FSHR: variants seen among roughly 807,000 people sequenced by gnomAD.
FSHR encodes the protein follicle stimulating hormone receptor.
A neutral mutation model predicts 52.1 loss-of-function variants in FSHR; 46 were observed. The ratio of observed to expected loss-of-function variants is 0.88; its 90% CI spans 0.70 to 1.13. FSHR has a LOEUF of 1.13. Ranked by LOEUF, FSHR falls within the 50% of genes most tolerant of loss-of-function variation. The pLI is 0.00. For synonymous variants in FSHR, 399 were observed against 309.6 expected (o/e 1.29, Z -3.03); for missense variants, 964 against 834.6 (o/e 1.16, Z -1.91).
At chr2:49,102,960 C>T (rs930949846) in intron 1 of FSHR, among the ~76,000 whole-genome samples, 2 of 151,974 alleles carry the variant, frequency 1.3e-5, no homozygotes, top group African/African-American at 4.8e-5. Context: ...ATTTTTTTCT[C>T]CCATTATTGC....
At chr2:49,073,549 A>T (rs549359295) in intron 1 of FSHR, among the ~76,000 whole-genome samples, 1 of 152,048 alleles carries the variant, frequency 6.6e-6, no homozygotes, top group Non-Finnish European at 1.5e-5. Flanking sequence ...GAAATTAAAG[A>T]AGATACAAAT....
At chr2:49,032,906 A>G (rs560490357) in intron 2 of FSHR, among the ~76,000 whole-genome samples, 27 of 152,236 alleles carry the variant, frequency 1.8e-4, no homozygotes, top group Non-Finnish European at 3.1e-4. Flanking sequence ...TATTTGGAGA[A>G]AAAGAATACC....
intron 1 of FSHR, among the ~76,000 whole-genome samples, chr2:49,139,450 C>G (rs767662091): frequency 1.3e-5 from 2 of 151,960 alleles, no homozygotes; most frequent in East Asian, 3.9e-4. Flanking sequence ...GGGTATAGCA[C>G]GCAGCATTTT....
intron 1 of FSHR, among the ~76,000 whole-genome samples, chr2:49,143,030 G>T (rs1239656963): frequency 1.3e-5 from 2 of 152,128 alleles, no homozygotes; most frequent in African/African-American, 2.4e-5. Flanking sequence ...TATGTCTTGG[G>T]CTCCATAAGG....
intron 1 of FSHR, among the ~76,000 whole-genome samples, chr2:49,149,072 A>T (rs1271802536): frequency 2.0e-5 from 3 of 152,008 alleles, no homozygotes; most frequent in African/African-American, 7.2e-5. Context: ...TTTTTAAAAA[A>T]AATATTATTA....
chr2:49,149,308 C>A (rs959396339), intron 1 of FSHR, among the ~76,000 whole-genome samples: 1 of 152,088 alleles, frequency 6.6e-6, no homozygotes, highest in East Asian at 1.9e-4. Context: ...ACTTCAGAAC[C>A]ATCTCCTTCA....
At position 48,962,988 on chromosome 2, in the gene FSHR, C is replaced by A. The variant is rs777491270; in HGVS notation, c.1833G>T (p.Leu611=). ...LITVSKAKIL[L]VLFHPINSCA... is the part of the protein sequence containing the mutation. ...AGGAGTTGATGGGGTGAAACAGAAC[C>A]AGCAGAATCTTTGCTTTGGACACAG... is the stretch of plus-strand genomic sequence containing the variant. The change falls in exon 10 of 10, where the codon CTG becomes CTT. Residue 611 remains leucine, a synonymous_variant. Transcript: ENST00000406846. 5.0e-6 allele frequency: 8 copies of A among 1,613,970 alleles called. No individual in the cohort carries two copies. Among genetic ancestry groups the A allele is most frequent in the African/African-American group, 4.0e-5 (3 of 74,882 alleles).
intron 1 of FSHR, among the ~76,000 whole-genome samples, chr2:49,111,303 C>G (rs1057372232): frequency 6.6e-6 from 1 of 152,122 alleles, no homozygotes; most frequent in Non-Finnish European, 1.5e-5. Context: ...GTGAGGGAAA[C>G]AGGTGAGGGA....
chr2:48,980,966 C>G (rs1215393698), intron 8 of FSHR, among the ~76,000 whole-genome samples: 1 of 152,150 alleles, frequency 6.6e-6, no homozygotes, highest in Non-Finnish European at 1.5e-5. Flanking sequence ...CTGCCATGAA[C>G]AGATAGAGAT....
At chr2:48,990,812 G>A (rs1391241837) in intron 4 of FSHR, among the ~76,000 whole-genome samples, 175 bp from the exon 5 acceptor site, 2 of 151,754 alleles carry the variant, frequency 1.3e-5, no homozygotes, top group African/African-American at 2.4e-5. Flanking sequence ...TTCGTTCCAC[G>A]GTCTTAAAAG....
chr2:49,037,757 G>T (rs1668321720), intron 2 of FSHR, among the ~76,000 whole-genome samples: 1 of 152,108 alleles, frequency 6.6e-6, no homozygotes, highest in Non-Finnish European at 1.5e-5. Context: ...ATAAAAAGAT[G>T]TTAAATTGGA....
At chr2:49,002,026 T>C (rs1398679708) in intron 4 of FSHR, among the ~76,000 whole-genome samples, 1 of 152,142 alleles carries the variant, frequency 6.6e-6, no homozygotes, top group African/African-American at 2.4e-5. Context: ...CTGGGCCTTC[T>C]TCCCCAGTAT....
At chr2:48,975,994 T>C (rs1402591204) in intron 8 of FSHR, among the ~76,000 whole-genome samples, 2 of 152,218 alleles carry the variant, frequency 1.3e-5, no homozygotes, top group African/African-American at 4.8e-5. Flanking sequence ...TCTTGCCTGA[T>C]TGTCCTGGCC....
intron 2 of FSHR, among the ~76,000 whole-genome samples, chr2:49,044,309 C>G (rs116803918): frequency 0.011 from 1,684 of 152,270 alleles, 31 homozygotes; most frequent in African/African-American, 0.038. Flanking sequence ...TTGTTTATTA[C>G]TGTTTCTTCC....
intron 1 of FSHR, among the ~76,000 whole-genome samples, chr2:49,084,518 A>G (rs1485239021): frequency 2.6e-5 from 4 of 152,220 alleles, no homozygotes; most frequent in South Asian, 2.1e-4. Flanking sequence ...AAGGAAATAG[A>G]GACAAAAAAA....
At chr2:48,964,120 G>A (rs1344028439) in intron 9 of FSHR, among the ~76,000 whole-genome samples, 154 bp from the exon 10 acceptor site, 4 of 151,818 alleles carry the variant, frequency 2.6e-5, no homozygotes, top group African/African-American at 4.8e-5. Context: ...AACCTCAAGG[G>A]TTAATGCTGC....
intron 1 of FSHR, among the ~76,000 whole-genome samples, chr2:49,120,519 G>A (rs1558452139): frequency 2.0e-5 from 3 of 152,172 alleles, no homozygotes; most frequent in Non-Finnish European, 2.9e-5. Context: ...TATTGATACA[G>A]TGATATAATA....
intron 1 of FSHR, among the ~76,000 whole-genome samples, chr2:49,107,080 G>T (rs1439343990): frequency 6.6e-6 from 1 of 152,102 alleles, no homozygotes; most frequent in Admixed American, 6.6e-5. Context: ...CTTATCACCT[G>T]TAGAATAAAA....
At chr2:49,149,289 A>G (rs556476915) in intron 1 of FSHR, among the ~76,000 whole-genome samples, 1 of 152,148 alleles carries the variant, frequency 6.6e-6, no homozygotes, top group African/African-American at 2.4e-5. Context: ...ATGGTTACCT[A>G]TAGTCTATAC....
Sources: gnomAD v4.1 joint callset for allele counts (sites outside exome capture counted in the v4.1 genomes callset) on GRCh38, gnomAD v4.1.1 for gene constraint, MANE v1.5 for transcripts, NCBI Gene and HGNC (gene_info 2026-07-23, HGNC 2026-07-21) for gene names.